The following CFAP99 variants were observed in gnomAD, a reference collection of about 807,000 sequenced individuals.
CFAP99 encodes cilia and flagella associated protein 99.
CFAP99 carries 84 observed loss-of-function variants against 82.7 expected under a neutral mutation model. The ratio of observed to expected loss-of-function variants is 1.02; its 90% CI spans 0.85 to 1.22. CFAP99 has a LOEUF of 1.22. Ranked by LOEUF, CFAP99 falls within the 50% of genes most tolerant of loss-of-function variation. CFAP99 has a pLI of 0.00. For synonymous variants in CFAP99, 456 were observed against 429.5 expected (o/e 1.06, Z -0.76); for missense variants, 1,059 against 983.5 (o/e 1.08, Z -1.03).
At chr4:2,429,924 C>T (rs1224039378) in intron 2 of CFAP99, among the ~76,000 whole-genome samples, 1 of 151,994 alleles carries the variant, frequency 6.6e-6, no homozygotes, top group South Asian at 2.1e-4. Context: ...CTCACAAGTC[C>T]GAGAGGAATG....
rs1438613332 is a variant in CFAP99 at position 2,448,070 on chromosome 4, CAAAT to C, written c.643-1599_643-1596del. On this transcript the variant is annotated intron_variant, in intron 6 of 14. Coordinates refer to ENST00000635017, the Ensembl canonical transcript of CFAP99. The surrounding 1 kb of genome is among the most constrained non-coding windows in gnomAD (Gnocchi z 5.2). Reference sequence around the variant, plus strand: ...TCAGAGGGATGGATAGATGGATAGACAAATGGATGGATGGGTGGGTGAGTGGGTG... The same window carrying C: ...TCAGAGGGATGGATAGATGGATAGACGGATGGATGGGTGGGTGAGTGGGTG... Among the ~76,000 whole-genome samples, 7 of 137,398 alleles carry C rather than the reference CAAAT, an allele frequency of 5.1e-5. No individual in the cohort carries two copies. In the East Asian group the frequency reaches 1.6e-3, roughly 31 times the overall value. 90.1% of individuals were successfully genotyped at this position (137,398 alleles called of 152,430 possible). A position where few individuals can be genotyped will look rare whatever the true frequency, so the allele number is the denominator to read the frequency against.
At chr4:2,458,590 T>G in intron 11 of CFAP99, 133 bp from the exon 12 acceptor site, 1 of 1,176,966 alleles carries the variant, frequency 8.5e-7, no homozygotes, top group East Asian at 2.7e-5. Flanking sequence ...GGCTTAGACC[T>G]GGGTTCTGGG....
Position 2,462,111 on chromosome 4 carries a change from C to A in CFAP99, c.1662-332C>A. Reference sequence around the variant, plus strand: ...GGTCAAGGCTGCAGTGAGCCATGATCGCGCCACTGCACTCCAGCCTGGGCG... The same window carrying A: ...GGTCAAGGCTGCAGTGAGCCATGATAGCGCCACTGCACTCCAGCCTGGGCG... On this transcript the variant is annotated intron_variant, in intron 14 of 14. Transcript: ENST00000635017. The surrounding 1 kb of genome is among the most constrained non-coding windows in gnomAD (Gnocchi z 4.1). The A allele has an allele frequency of 5.4e-6, 1 of 185,786 alleles. No homozygotes were observed. The highest frequency in any genetic ancestry group is 1.7e-4 in the South Asian group (1 of 5,736). The allele number at this position is 185,786 out of a possible 1,614,324, so 11.5% of individuals were successfully genotyped here. A position where few individuals can be genotyped will look rare whatever the true frequency, so the allele number is the denominator to read the frequency against.
At chr4:2,421,879 C>CA (rs34014257) in intron 1 of CFAP99, among the ~76,000 whole-genome samples, 10,893 of 101,370 alleles carry the variant, frequency 0.11, 965 homozygotes, top group African/African-American at 0.26. Context: ...CCTGTCTCTA[C>CA]AAAAAAAAAA....
At position 2,462,735 on chromosome 4, in the gene CFAP99, G is replaced by A; in HGVS notation, c.1954G>A (p.Gly652Arg). 2 of 1,240,684 alleles carry A rather than the reference G, an allele frequency of 1.6e-6. No homozygotes were observed. The highest frequency in any genetic ancestry group is 2.0e-6 in the Non-Finnish European group (2 of 988,940). The allele number at this position is 1,240,684 out of a possible 1,614,324, so 76.9% of individuals were successfully genotyped here. A position where few individuals can be genotyped will look rare whatever the true frequency, so the allele number is the denominator to read the frequency against. ...GGGAGATCGGGTCCGGTCCGCGGCC[G>A]GGAGATACGCAGCGGCGGGCGCGGG... The change falls in exon 15 of 15, where the codon GGG (glycine) becomes AGG (arginine). Residue 652 changes from glycine to arginine, a missense_variant. Transcript: ENST00000635017. The surrounding 1 kb of genome is among the most constrained non-coding windows in gnomAD (Gnocchi z 4.1).
chr4:2,447,298 GTGAA>G (rs1380782872), intron 6 of CFAP99, among the ~76,000 whole-genome samples: 2 of 150,446 alleles, frequency 1.3e-5, no homozygotes, highest in African/African-American at 4.9e-5. Flanking sequence ...GGAAGGATAA[GTGAA>G]TGAATGGATG....
intron 2 of CFAP99, among the ~76,000 whole-genome samples, chr4:2,429,631 A>G (rs929408215): frequency 6.1e-5 from 9 of 147,004 alleles, no homozygotes; most frequent in Non-Finnish European, 1.0e-4. Context: ...TCACTCTGTC[A>G]CCCAGGCTGG....
rs569848237 is a variant in CFAP99 at position 2,446,511 on chromosome 4, GC to G, written c.642+1209del. ...AGGTTTAAGTGATTCTCCTGCCTCA[GC>G]CCCCCGAGTAGCTGGGATTACAGGT... On this transcript the variant is annotated intron_variant, in intron 6 of 14. Coordinates refer to ENST00000635017, the Ensembl canonical transcript of CFAP99. This position sits in a 1 kb window ranked among gnomAD's most constrained non-coding sequence, Gnocchi z 5.0. Among the ~76,000 whole-genome samples the G allele has an allele frequency of 6.6e-6, 1 of 152,072 alleles. No individual in the cohort carries two copies. Among genetic ancestry groups the G allele is most frequent in the Non-Finnish European group, 1.5e-5 (1 of 68,022 alleles).
At chr4:2,419,032 G>T (rs1733453240) in exon 1 of CFAP99, 1 of 152,186 alleles carries the variant, frequency 6.6e-6, no homozygotes, top group Non-Finnish European at 1.5e-5. Context: ...GCTGGCCCAG[G>T]AAACTGCTGC....
At chr4:2,424,768 C>A (rs1733651395) in intron 1 of CFAP99, among the ~76,000 whole-genome samples, 2 of 152,234 alleles carry the variant, frequency 1.3e-5, no homozygotes, top group Non-Finnish European at 2.9e-5. Flanking sequence ...CAGGGCACCC[C>A]CAGCCGAGAC....
intron 11 of CFAP99, among the ~76,000 whole-genome samples, chr4:2,455,513 AAAAAC>A (rs1734407556): frequency 6.6e-6 from 1 of 152,230 alleles, no homozygotes; most frequent in South Asian, 2.1e-4. Context: ...TGTCTACTAA[AAAAAC>A]AAACAAACAA....
chr4:2,425,648 G>A (rs1398131615), intron 1 of CFAP99, among the ~76,000 whole-genome samples: 2 of 152,190 alleles, frequency 1.3e-5, no homozygotes, highest in South Asian at 2.1e-4. Flanking sequence ...ACTGTCCTGC[G>A]TAGTCCAGCT....
At chr4:2,432,585 C>T (rs73074388) in intron 2 of CFAP99, among the ~76,000 whole-genome samples, 6,547 of 152,234 alleles carry the variant, frequency 0.043, 490 homozygotes, top group African/African-American at 0.15. Flanking sequence ...CCCAACCTGC[C>T]CCGGCCTGGA....
intron 2 of CFAP99, among the ~76,000 whole-genome samples, chr4:2,435,661 C>G (rs112977237): frequency 6.6e-6 from 1 of 152,104 alleles, no homozygotes; most frequent in Admixed American, 6.5e-5. Context: ...CAATGGCTCA[C>G]GCTTGTAATC....
chr4:2,437,386 T>A (rs1733940585), intron 3 of CFAP99, among the ~76,000 whole-genome samples: 1 of 152,100 alleles, frequency 6.6e-6, no homozygotes, highest in Non-Finnish European at 1.5e-5. Flanking sequence ...CTGTGGGGGA[T>A]TAGATACAAG....
chr4:2,461,126 C>G (rs1734611948), intron 14 of CFAP99, among the ~76,000 whole-genome samples: 1 of 152,204 alleles, frequency 6.6e-6, no homozygotes, highest in Non-Finnish European at 1.5e-5. Context: ...CATGCACACA[C>G]ATACAGATGC....
At chr4:2,422,527 C>T (rs1210942759) in intron 1 of CFAP99, among the ~76,000 whole-genome samples, 2 of 152,224 alleles carry the variant, frequency 1.3e-5, no homozygotes, top group African/African-American at 4.8e-5. Context: ...CTCCAGAATG[C>T]TCCAGCTCCA....
rs886122925 is a variant in CFAP99, at chr4:2,446,689, C to T, written c.642+1381C>T. ...ACAGGCGTAAGCCACCACACCTGGCCATTATTGGTCCCATATTCTCAATGC... is the reference window on the plus strand; with the variant it reads ...ACAGGCGTAAGCCACCACACCTGGCTATTATTGGTCCCATATTCTCAATGC... On this transcript the variant is annotated intron_variant, in intron 6 of 14. Transcript: ENST00000635017. The surrounding 1 kb of genome is among the most constrained non-coding windows in gnomAD (Gnocchi z 5.0). Among the ~76,000 whole-genome samples the T allele has an allele frequency of 1.3e-5, 2 of 152,198 alleles. No homozygotes were observed. The highest frequency in any genetic ancestry group is 3.9e-4 in the East Asian group (2 of 5,194).
rs1734645398 is a variant in CFAP99 at position 2,462,508 on chromosome 4, A to G, written c.1727A>G (p.Gln576Arg). The change falls in exon 15 of 15, where the codon CAG becomes CGG. Residue 576 changes from glutamine (Q) to arginine (R), a missense_variant. Gln to Arg is a conservative substitution (Grantham distance 43). Transcript: ENST00000635017. The surrounding 1 kb of genome is among the most constrained non-coding windows in gnomAD (Gnocchi z 4.1). Reference sequence around the variant, plus strand: ...CCCTCGCAGGACGAGCGCGTGCAGCAGCTGCGGCGCAGGATCTCGGAGAGG... The same window carrying G: ...CCCTCGCAGGACGAGCGCGTGCAGCGGCTGCGGCGCAGGATCTCGGAGAGG... 5 of 1,478,178 alleles carry G rather than the reference A, an allele frequency of 3.4e-6. No homozygotes were observed. Among genetic ancestry groups the G allele is most frequent in the Non-Finnish European group, 4.5e-6 (5 of 1,123,254 alleles). 91.6% of individuals were successfully genotyped at this position (1,478,178 alleles called of 1,614,324 possible). A position where few individuals can be genotyped will look rare whatever the true frequency, so the allele number is the denominator to read the frequency against.
Sources: gnomAD v4.1 joint callset for allele counts (sites outside exome capture counted in the v4.1 genomes callset) on GRCh38, gnomAD v4.1.1 for gene constraint, Gnocchi (gnomAD v3.1) non-coding constraint, MANE v1.5 for transcripts, NCBI Gene and HGNC (gene_info 2026-07-23, HGNC 2026-07-21) for gene names.